Variants in HECW1 observed in about 807,000 individuals in gnomAD.
HECW1 encodes the protein E3 ubiquitin-protein ligase HECW1.
Under a neutral mutation model 182.3 loss-of-function variants are expected in HECW1, and 61 were observed. The observed-to-expected ratio is 0.33, with a 90% CI of 0.27 to 0.41. HECW1 has a LOEUF of 0.41. HECW1 is among the 10% of genes least tolerant of loss of function. HECW1 has a pLI of 1.00. For synonymous variants in HECW1, 859 were observed against 832.6 expected, an observed-to-expected ratio of 1.03 and a Z score of -0.55; for missense variants, 1,739 against 2,108.9, an observed-to-expected ratio of 0.82 and a Z score of 3.44.
rs549234575 is a variant in HECW1, at chr7:43,361,083, T to C, written c.555+103T>C. On this transcript the variant is annotated intron_variant, in intron 6 of 29. Transcript: ENST00000395891. ...GTGTGTGTGTGTGTGTGTGTGTGTGTGTGTGTACGTGTACATACACACATA... is the reference window on the plus strand; with the variant it reads ...GTGTGTGTGTGTGTGTGTGTGTGTGCGTGTGTACGTGTACATACACACATA... 3,690 of 666,914 alleles carry C rather than the reference T, an allele frequency of 5.5e-3. 21 individuals carry two copies. Among genetic ancestry groups the C allele is most frequent in the Non-Finnish European group, 8.2e-3 (3,189 of 388,446 alleles). The allele number at this position is 666,914 out of a possible 1,614,324, so 41.3% of individuals were successfully genotyped here.
chr7:43,411,374 T>G (rs184775090), intron 8 of HECW1, among the ~76,000 whole-genome samples: 1 of 152,294 alleles, frequency 6.6e-6, no homozygotes, highest in East Asian at 1.9e-4. Context: ...TATTTAAATT[T>G]ATCAAGCCAT....
chr7:43,368,231 G>A (rs1816885264), intron 6 of HECW1, among the ~76,000 whole-genome samples: 1 of 152,200 alleles, frequency 6.6e-6, no homozygotes, highest in African/African-American at 2.4e-5. Context: ...ACTATTCCAT[G>A]CCTCTGGAGG....
At chr7:43,518,186 CA>C (rs2080253341) in intron 24 of HECW1, among the ~76,000 whole-genome samples, 1 of 151,998 alleles carries the variant, frequency 6.6e-6, no homozygotes, top group Non-Finnish European at 1.5e-5. Flanking sequence ...TTTTAATCAA[CA>C]ACTAGAATCT....
At chr7:43,356,727 T>C (rs1323367143) in intron 5 of HECW1, among the ~76,000 whole-genome samples, 1 of 152,110 alleles carries the variant, frequency 6.6e-6, no homozygotes, top group Non-Finnish European at 1.5e-5. Flanking sequence ...AACAAAATCA[T>C]TAACAAGAGA....
At chr7:43,382,316 C>A (rs949713945) in intron 6 of HECW1, among the ~76,000 whole-genome samples, 1 of 152,090 alleles carries the variant, frequency 6.6e-6, no homozygotes, top group African/African-American at 2.4e-5. Flanking sequence ...ATAGAAGCCC[C>A]TTCAGAGGAC....
intron 6 of HECW1, among the ~76,000 whole-genome samples, chr7:43,388,220 G>T (rs2074878260): frequency 6.6e-6 from 1 of 152,118 alleles, no homozygotes. Context: ...TCCACATCCA[G>T]GGAATTCAAC....
At chr7:43,548,668 G>C (rs1244887159) in intron 26 of HECW1, among the ~76,000 whole-genome samples, 1 of 152,190 alleles carries the variant, frequency 6.6e-6, no homozygotes, top group African/African-American at 2.4e-5. Flanking sequence ...GAGGCTGAGT[G>C]TGGTGGTCCA....
At chr7:43,419,332 G>A (rs1335568256) in intron 8 of HECW1, among the ~76,000 whole-genome samples, 2 of 152,142 alleles carry the variant, frequency 1.3e-5, no homozygotes, top group Non-Finnish European at 2.9e-5. Flanking sequence ...ACAAGTTTTA[G>A]CAATTAACTG....
chr7:43,209,171 G>T (rs537479000), intron 2 of HECW1, among the ~76,000 whole-genome samples: 1 of 87,898 alleles, frequency 1.1e-5, no homozygotes, highest in Non-Finnish European at 2.7e-5. Context: ...GTTAACAGTG[G>T]CATCAGACCC....
intron 29 of HECW1, among the ~76,000 whole-genome samples, chr7:43,558,474 G>A (rs1448620551): frequency 6.6e-6 from 1 of 152,154 alleles, no homozygotes; most frequent in Non-Finnish European, 1.5e-5. Context: ...TCTCAAAGTG[G>A]GGCTGGGGAA....
At chr7:43,185,044 A>G (rs1793256780) in intron 2 of HECW1, among the ~76,000 whole-genome samples, 1 of 152,084 alleles carries the variant, frequency 6.6e-6, no homozygotes, top group Non-Finnish European at 1.5e-5. Flanking sequence ...CCCACCTCCA[A>G]CATTGGGGAT....
intron 8 of HECW1, among the ~76,000 whole-genome samples, chr7:43,437,060 G>A (rs936613737): frequency 6.6e-6 from 1 of 151,956 alleles, no homozygotes; most frequent in Non-Finnish European, 1.5e-5. Context: ...ATCAAATGAA[G>A]TAAAATATAA....
intron 8 of HECW1, among the ~76,000 whole-genome samples, chr7:43,412,049 A>G (rs1354003860): frequency 6.6e-6 from 1 of 152,008 alleles, no homozygotes; most frequent in Non-Finnish European, 1.5e-5. Context: ...TTTTTGGATT[A>G]TTTGAATATA....
chr7:43,196,628 C>A (rs1029330621), intron 2 of HECW1, among the ~76,000 whole-genome samples: 2 of 152,212 alleles, frequency 1.3e-5, no homozygotes, highest in East Asian at 1.9e-4. Context: ...GCCACTCTCT[C>A]TGCACACTTC....
intron 1 of HECW1, 31 bp downstream of exon 1, chr7:43,112,968 G>A: frequency 4.8e-6 from 1 of 207,248 alleles, no homozygotes; most frequent in Non-Finnish European, 9.9e-6. Flanking sequence ...GACACTGTCT[G>A]CCGCCCCTTC....
At chr7:43,419,533 AG>A (rs2152855922) in intron 8 of HECW1, among the ~76,000 whole-genome samples, 1 of 152,266 alleles carries the variant, frequency 6.6e-6, no homozygotes, top group African/African-American at 2.4e-5. Context: ...ATTCTTTGTA[AG>A]TGTACTAGTA....
intron 5 of HECW1, among the ~76,000 whole-genome samples, chr7:43,347,806 T>C (rs148639481): frequency 0.011 from 1,681 of 152,368 alleles, 20 homozygotes; most frequent in Middle Eastern, 0.034. Context: ...ATTCTGTTTA[T>C]GTGGTATATC....
intron 6 of HECW1, among the ~76,000 whole-genome samples, chr7:43,368,311 A>G (rs1033919656): frequency 6.6e-6 from 1 of 152,210 alleles, no homozygotes; most frequent in Non-Finnish European, 1.5e-5. Flanking sequence ...GGTTTTCCAG[A>G]AGGAGTAAGC....
intron 8 of HECW1, among the ~76,000 whole-genome samples, chr7:43,435,112 T>C (rs545868579): frequency 1.8e-4 from 28 of 151,504 alleles, no homozygotes; most frequent in Non-Finnish European, 3.5e-4. Flanking sequence ...TTTCCCATCT[T>C]ATTAGCATTT....
Sources: gnomAD v4.1 joint callset for allele counts (sites outside exome capture counted in the v4.1 genomes callset) on GRCh38, gnomAD v4.1.1 for gene constraint, MANE v1.5 for transcripts, NCBI Gene and HGNC (gene_info 2026-07-23, HGNC 2026-07-21) for gene names.